Variants in RUNX1 observed in about 807,000 individuals in gnomAD.
RUNX1 encodes the protein RUNX family transcription factor 1.
Under a neutral mutation model 42.8 loss-of-function variants are expected in RUNX1, and 19 were observed. The observed-to-expected ratio is 0.44, with a 90% CI of 0.31 to 0.65. RUNX1 has a LOEUF of 0.65. Among genes scored for constraint, RUNX1 ranks in the 30% least tolerant of loss-of-function variants. The pLI, the probability that RUNX1 is intolerant of heterozygous loss-of-function variation, is 0.07. For missense variants in RUNX1, 528 were observed against 672.0 expected, an observed-to-expected ratio of 0.79 and a Z score of 2.37; for synonymous variants, 271 against 289.4, an observed-to-expected ratio of 0.94 and a Z score of 0.64.
At chr21:34,874,327 C>T (rs912600892) in intron 5 of RUNX1, among the ~76,000 whole-genome samples, 1 of 151,832 alleles carries the variant, frequency 6.6e-6, no homozygotes, top group African/African-American at 2.4e-5. Context: ...GACAGTACAC[C>T]GGCCAGGTAC....
chr21:34,930,103 AATAT>A lies in RUNX1; in HGVS notation c.59-37144_59-37141del, dbSNP rs540065363. 6.9e-3 allele frequency among the ~76,000 whole-genome samples: 1,018 copies of A among 146,572 alleles called. 12 individuals are homozygous for A. The highest frequency in any genetic ancestry group is 0.024 in the African/African-American group (971 of 40,024). On this transcript the variant is annotated intron_variant, in intron 2 of 8. Coordinates refer to ENST00000675419, the MANE Select transcript of RUNX1 (RefSeq NM_001754.5). Reference sequence around the variant, plus strand: ...TCATAAAGATATATATTTAAAAATAAATATATATATTTGAATTTAAATTAATGTC... The same window carrying A: ...TCATAAAGATATATATTTAAAAATAAATATATTTGAATTTAAATTAATGTC...
chr21:35,034,195 C>A (rs1445199077), intron 2 of RUNX1, among the ~76,000 whole-genome samples: 1 of 152,230 alleles, frequency 6.6e-6, no homozygotes, highest in Non-Finnish European at 1.5e-5. Context: ...AGTCATCAAT[C>A]TGTAAAATTA....
chr21:34,834,480 G>A lies in RUNX1; in HGVS notation c.735C>T (p.Pro245=), dbSNP rs902762123. Residue 245 remains proline (P), a synonymous_variant, in exon 7 of 9, where the codon CCC becomes CCT. Transcript: ENST00000675419. The part of the protein sequence containing the change: ...AMRVSPHHPA[P]TPNPRASLNH... Reference sequence around the variant, plus strand: ...TCAGGGAGGCACGAGGGTTGGGCGTGGGGGCTGGGTGGTGTGGGCTGACCC... The same window carrying A: ...TCAGGGAGGCACGAGGGTTGGGCGTAGGGGCTGGGTGGTGTGGGCTGACCC... 5 of 1,612,942 alleles carry A rather than the reference G, an allele frequency of 3.1e-6. No individual in the cohort carries two copies. Among genetic ancestry groups the A allele is most frequent in the African/African-American group, 2.7e-5 (2 of 74,844 alleles).
At position 34,792,414 on chromosome 21, in the gene RUNX1, C is replaced by T. The variant is rs1333436278; in HGVS notation, c.1164G>A (p.Ser388=). The change falls in exon 9 of 9, where the codon TCG becomes TCA. Residue 388 remains serine, a synonymous_variant. Coordinates refer to ENST00000675419, the MANE Select transcript of RUNX1 (RefSeq NM_001754.5). The surrounding 1 kb of genome is among the most constrained non-coding windows in gnomAD (Gnocchi z 6.9). The part of the protein sequence containing the change: ...HTYLPPPYPG[S]SQAQGGPFQA... ...GGAACGGGCCTCCCTGCGCTTGCGA[C>T]GAGCCGGGGTAGGGCGGCGGCAGGT... The T allele has an allele frequency of 6.4e-7, 1 of 1,568,794 alleles. No individual in the cohort carries two copies. Among genetic ancestry groups the T allele is most frequent in the Non-Finnish European group, 8.6e-7 (1 of 1,157,124 alleles).
chr21:35,005,510 C>T (rs905659155), intron 2 of RUNX1, among the ~76,000 whole-genome samples: 2 of 152,078 alleles, frequency 1.3e-5, no homozygotes, highest in Non-Finnish European at 2.9e-5. Flanking sequence ...TATTTTTAAG[C>T]CTAGGAACTA....
At chr21:34,888,443 G>T in intron 3 of RUNX1, 1 of 1,066,694 alleles carries the variant, frequency 9.4e-7, no homozygotes, top group Non-Finnish European at 1.1e-6. Flanking sequence ...TCGCAGCCAG[G>T]AAAGAAGTTG....
intron 2 of RUNX1, among the ~76,000 whole-genome samples, chr21:34,935,560 C>T (rs2058478551): frequency 1.3e-5 from 2 of 151,880 alleles, no homozygotes; most frequent in Admixed American, 6.6e-5. Flanking sequence ...TGAGCTAGCC[C>T]TTCAGTGAAC....
intron 7 of RUNX1, among the ~76,000 whole-genome samples, chr21:34,819,771 C>A (rs1471532755): frequency 6.6e-6 from 1 of 152,226 alleles, no homozygotes; most frequent in African/African-American, 2.4e-5. Context: ...GCCTCCCGCC[C>A]CTCCTGGCCT....
At chr21:34,990,451 T>G (rs905984667) in intron 2 of RUNX1, among the ~76,000 whole-genome samples, 3 of 152,042 alleles carry the variant, frequency 2.0e-5, no homozygotes, top group Non-Finnish European at 4.4e-5. Context: ...GATGGATCTT[T>G]GCCATAGTGG....
intron 7 of RUNX1, among the ~76,000 whole-genome samples, chr21:34,824,705 G>T (rs2056962862): frequency 2.0e-5 from 3 of 152,182 alleles, no homozygotes; most frequent in Admixed American, 2.0e-4. Flanking sequence ...TCAGGGTGGG[G>T]TGTTCTGAGG....
intron 2 of RUNX1, among the ~76,000 whole-genome samples, chr21:34,953,085 T>C (rs1304062914): frequency 6.6e-6 from 1 of 151,946 alleles, no homozygotes; most frequent in Non-Finnish European, 1.5e-5. Flanking sequence ...AAGGGATGGC[T>C]ACAGTTATGA....
intron 2 of RUNX1, among the ~76,000 whole-genome samples, chr21:34,950,617 G>C (rs2058600070): frequency 6.6e-6 from 1 of 152,202 alleles, no homozygotes; most frequent in Non-Finnish European, 1.5e-5. Flanking sequence ...GGTGCCTGTA[G>C]TCTCAGCTAT....
intron 2 of RUNX1, among the ~76,000 whole-genome samples, chr21:34,953,253 C>T (rs1174127412): frequency 6.6e-6 from 1 of 152,086 alleles, no homozygotes; most frequent in Non-Finnish European, 1.5e-5. Context: ...TGTCCATTTC[C>T]TATTCTTCCT....
At chr21:34,849,561 C>G (rs1007466016) in intron 6 of RUNX1, among the ~76,000 whole-genome samples, 8 of 134,234 alleles carry the variant, frequency 6.0e-5, no homozygotes, top group African/African-American at 2.3e-4. Flanking sequence ...GCAAATTTTA[C>G]CAGTGACACG....
chr21:34,878,439 T>A (rs1022545486), intron 5 of RUNX1, among the ~76,000 whole-genome samples: 1 of 151,622 alleles, frequency 6.6e-6, no homozygotes, highest in African/African-American at 2.4e-5. Flanking sequence ...GTAATTACAA[T>A]TGGGTCAAAT....
intron 2 of RUNX1, among the ~76,000 whole-genome samples, chr21:34,937,699 G>GA (rs78941402): frequency 0.033 from 4,561 of 137,230 alleles, 168 homozygotes; most frequent in African/African-American, 0.094. Context: ...AGTTTCCCAT[G>GA]AAAAAAAAAA....
At chr21:34,889,570 C>T (rs2058051786) in intron 3 of RUNX1, 3 of 747,682 alleles carry the variant, frequency 4.0e-6, no homozygotes, top group South Asian at 3.7e-5. Flanking sequence ...CCCGCAGCAG[C>T]CGGACAGCCT....
At chr21:34,950,507 G>A (rs536600898) in intron 2 of RUNX1, among the ~76,000 whole-genome samples, 1 of 152,264 alleles carries the variant, frequency 6.6e-6, no homozygotes, top group African/African-American at 2.4e-5. Context: ...GGGAGGCCGA[G>A]GCAGGTGGAT....
At chr21:35,023,155 T>C (rs1033557421) in intron 2 of RUNX1, among the ~76,000 whole-genome samples, 2 of 151,960 alleles carry the variant, frequency 1.3e-5, no homozygotes, top group African/African-American at 4.8e-5. Flanking sequence ...TGTTGCCCAG[T>C]CTGGTCTCAA....
Sources: allele counts gnomAD v4.1 joint callset (sites outside exome capture counted in the v4.1 genomes callset), GRCh38; gene constraint gnomAD v4.1.1; non-coding constraint Gnocchi (gnomAD v3.1); transcripts MANE v1.5; gene names NCBI Gene and HGNC (gene_info 2026-07-23, HGNC 2026-07-21).